KLF12: variants seen among roughly 807,000 people sequenced by gnomAD.
KLF12 encodes KLF transcription factor 12, also known as Krueppel-like factor 12.
A neutral mutation model predicts 37.8 loss-of-function variants in KLF12; 9 were observed. The ratio of observed to expected loss-of-function variants is 0.24; its 90% CI spans 0.14 to 0.42. The LOEUF (loss-of-function observed/expected upper bound fraction) is 0.42. Among genes scored for constraint, KLF12 ranks in the 10% least tolerant of loss-of-function variants. KLF12 has a pLI of 1.00. For synonymous variants in KLF12, 208 were observed against 202.1 expected, an observed-to-expected ratio of 1.03 and a Z score of -0.25; for missense variants, 411 against 516.0, an observed-to-expected ratio of 0.80 and a Z score of 1.97.
intron 5 of KLF12, among the ~76,000 whole-genome samples, chr13:73,811,078 T>C (rs1323249728): frequency 1.4e-5 from 2 of 141,404 alleles, no homozygotes; most frequent in Non-Finnish European, 3.0e-5. Flanking sequence ...CTCTCCCTAC[T>C]GGGTTCAAGT....
At chr13:74,004,422 G>C (rs940980832) in intron 1 of KLF12, among the ~76,000 whole-genome samples, 3 of 152,186 alleles carry the variant, frequency 2.0e-5, no homozygotes, top group Non-Finnish European at 4.4e-5. Flanking sequence ...ACACAGAGAA[G>C]TAACTTGCCT....
intron 3 of KLF12, among the ~76,000 whole-genome samples, chr13:73,919,970 A>G (rs1889036827): frequency 6.6e-6 from 1 of 152,168 alleles, no homozygotes; most frequent in Non-Finnish European, 1.5e-5. Context: ...GGCCAGCAGC[A>G]TTAGTTACCC....
chr13:74,026,382 T>G (rs1434362839), intron 1 of KLF12, among the ~76,000 whole-genome samples: 1 of 152,156 alleles, frequency 6.6e-6, no homozygotes, highest in Non-Finnish European at 1.5e-5. Flanking sequence ...CTAACTTATA[T>G]AGTGAAAAAA....
At chr13:73,931,814 CTTTT>C (rs34804436) in intron 3 of KLF12, among the ~76,000 whole-genome samples, 1 of 145,864 alleles carries the variant, frequency 6.9e-6, no homozygotes. Context: ...AAATATTTTG[CTTTT>C]TTTTTTTTTA....
At chr13:74,276,661 CA>C in the KLF12 span, among the ~76,000 whole-genome samples, 2 of 152,144 alleles carry the variant, frequency 1.3e-5, no homozygotes, top group African/African-American at 4.8e-5. Flanking sequence ...AGCCTTCCTA[CA>C]AATGACTTGT....
intron 5 of KLF12, among the ~76,000 whole-genome samples, chr13:73,777,429 C>A (rs1880677668): frequency 6.6e-6 from 1 of 152,188 alleles, no homozygotes; most frequent in Non-Finnish European, 1.5e-5. Context: ...TCAGTGGCGG[C>A]TGGGCATGGT....
chr13:74,033,324 T>G (rs1421469054), intron 1 of KLF12, among the ~76,000 whole-genome samples: 1 of 152,192 alleles, frequency 6.6e-6, no homozygotes, highest in Non-Finnish European at 1.5e-5. Flanking sequence ...CATACACAAA[T>G]GTACAAATTC....
chr13:74,115,326 C>A (rs1218341049), intron 1 of KLF12, among the ~76,000 whole-genome samples: 1 of 152,088 alleles, frequency 6.6e-6, no homozygotes, highest in Non-Finnish European at 1.5e-5. Context: ...TTTCCACAAA[C>A]CTGATGACTA....
At chr13:74,295,875 G>A in the KLF12 span, among the ~76,000 whole-genome samples, 4 of 151,992 alleles carry the variant, frequency 2.6e-5, no homozygotes, top group East Asian at 1.9e-4. Context: ...GTACAGTGGC[G>A]TGATCTCAGT....
chr13:73,783,527 T>C (rs1164841987), intron 5 of KLF12, among the ~76,000 whole-genome samples: 1 of 152,122 alleles, frequency 6.6e-6, no homozygotes, highest in Non-Finnish European at 1.5e-5. Context: ...ATGATGGATA[T>C]CCTAAATACC....
At chr13:74,139,257 T>C in the KLF12 span, among the ~76,000 whole-genome samples, 1 of 152,240 alleles carries the variant, frequency 6.6e-6, no homozygotes, top group African/African-American at 2.4e-5. Context: ...CCATGAAGTA[T>C]TGTTGGCTCA....
chr13:74,154,128 G>C, the KLF12 span, among the ~76,000 whole-genome samples: 1 of 151,846 alleles, frequency 6.6e-6, no homozygotes, highest in Non-Finnish European at 1.5e-5. Context: ...CCAGCTACCA[G>C]GGAGGCTGAG....
At chr13:73,711,722 CACA>C (rs1566311989) in intron 7 of KLF12, among the ~76,000 whole-genome samples, 1 of 152,212 alleles carries the variant, frequency 6.6e-6, no homozygotes, top group Non-Finnish European at 1.5e-5. Context: ...TGCCTGCTAA[CACA>C]ACATGCATTC....
chr13:73,715,939 G>GT (rs1342087447), intron 6 of KLF12, among the ~76,000 whole-genome samples: 1 of 152,138 alleles, frequency 6.6e-6, no homozygotes, highest in Non-Finnish European at 1.5e-5. Flanking sequence ...CATTTAATAA[G>GT]TAACAAGAGG....
At chr13:74,060,515 T>TGTGTGTG (rs1238059254) in intron 1 of KLF12, among the ~76,000 whole-genome samples, 1 of 151,444 alleles carries the variant, frequency 6.6e-6, no homozygotes, top group Non-Finnish European at 1.5e-5. Context: ...TGTGTGTGTG[T>TGTGTGTG]GTGTGTGTGT....
the KLF12 span, among the ~76,000 whole-genome samples, chr13:74,290,400 C>G: frequency 6.6e-6 from 1 of 152,092 alleles, no homozygotes; most frequent in African/African-American, 2.4e-5. Flanking sequence ...TTTGTCTGCT[C>G]AAAGGCAATG....
chr13:73,910,035 T>C (rs1888496352), intron 3 of KLF12, among the ~76,000 whole-genome samples: 2 of 152,194 alleles, frequency 1.3e-5, no homozygotes, highest in Admixed American at 6.5e-5. Flanking sequence ...GCCTCATTGA[T>C]AAATTGATAT....
intron 6 of KLF12, among the ~76,000 whole-genome samples, chr13:73,742,230 A>C (rs1225504806): frequency 2.0e-5 from 3 of 152,350 alleles, no homozygotes; most frequent in African/African-American, 7.2e-5. Flanking sequence ...AGATTCTTGA[A>C]TATTTAAGGT....
At chr13:73,975,387 T>G (rs2138138533) in intron 2 of KLF12, among the ~76,000 whole-genome samples, 1 of 152,316 alleles carries the variant, frequency 6.6e-6, no homozygotes, top group Non-Finnish European at 1.5e-5. Context: ...CCTTCTTATG[T>G]TCAACCCCGC....
Sources: allele counts gnomAD v4.1 joint callset (sites outside exome capture counted in the v4.1 genomes callset), GRCh38; gene constraint gnomAD v4.1.1; transcripts MANE v1.5; gene names NCBI Gene and HGNC (gene_info 2026-07-23, HGNC 2026-07-21).